The following PPFIA2 variants were observed in gnomAD, a reference collection of about 807,000 sequenced individuals.
PPFIA2 encodes liprin-alpha-2.
A neutral mutation model predicts 175.5 loss-of-function variants in PPFIA2; 46 were observed. That is an observed-to-expected ratio of 0.26 (90% confidence interval 0.21 to 0.34). The LOEUF is 0.34. Ranked by LOEUF, PPFIA2 falls within the 10% of genes least tolerant of loss-of-function variation. The pLI, the probability that PPFIA2 is intolerant of heterozygous loss-of-function variation, is 1.00. For missense variants in PPFIA2, 1,179 were observed against 1,506.1 expected (o/e 0.78, Z 3.60); for synonymous variants, 568 against 511.4 (o/e 1.11, Z -1.49).
At chr12:81,335,070 G>A (rs1010327132) in intron 21 of PPFIA2, among the ~76,000 whole-genome samples, 2 of 152,194 alleles carry the variant, frequency 1.3e-5, no homozygotes, top group African/African-American at 2.4e-5. Flanking sequence ...AATTGATGCT[G>A]TGGTAGGTCG....
At chr12:81,478,285 A>G (rs1001762068) in intron 4 of PPFIA2, among the ~76,000 whole-genome samples, 1 of 151,680 alleles carries the variant, frequency 6.6e-6, no homozygotes, top group Non-Finnish European at 1.5e-5. Context: ...TATTGTGTCT[A>G]TTTGATTCTT....
At chr12:81,261,251 G>A (rs997544869) in intron 32 of PPFIA2, 5 of 152,084 alleles carry the variant, frequency 3.3e-5, no homozygotes, top group African/African-American at 1.2e-4. Context: ...ACGGAGTCAT[G>A]CTCTGTCACC....
rs146782641 is a variant in PPFIA2 at position 81,443,649 on chromosome 12, T to C, written c.570+1907A>G. 3.5e-3 allele frequency among the ~76,000 whole-genome samples: 528 copies of C among 152,196 alleles called. 2 individuals are homozygous for C. The highest frequency in any genetic ancestry group is 0.012 in the African/African-American group (513 of 41,530). ...CATCCCTCAAGTGATATGGGAATGC[T>C]TATGGGACCATCTCAAATCATACAT... On this transcript the variant is annotated intron_variant, in intron 6 of 32. Coordinates refer to ENST00000549396, the MANE Select transcript of PPFIA2 (RefSeq NM_003625.5).
In PPFIA2 at chr12:81,283,029, T is replaced by A. The variant is rs2042429116; in HGVS notation, c.2999A>T (p.Glu1000Val). 6.2e-7 allele frequency: 1 copy of A among 1,612,006 alleles called. No homozygotes were observed. The highest frequency in any genetic ancestry group is 8.5e-7 in the Non-Finnish European group (1 of 1,178,592). ...TCCTACCTGGGCCCAGCTTCCTTCCTCAGATTCTTTCTGTGTTAGCAGCAG... is the reference window on the plus strand; with the variant it reads ...TCCTACCTGGGCCCAGCTTCCTTCCACAGATTCTTTCTGTGTTAGCAGCAG... ...LAAPAKTKESEEGSWAQCPVF... is the reference protein window; with the variant it reads ...LAAPAKTKESVEGSWAQCPVF... The change falls in exon 26 of 33, where the codon GAG becomes GTG. Residue 1000 changes from glutamate (E) to valine (V), a missense_variant. Transcript: ENST00000549396.
At chr12:81,544,491 G>A (rs963502597) in intron 4 of PPFIA2, among the ~76,000 whole-genome samples, 5 of 151,998 alleles carry the variant, frequency 3.3e-5, no homozygotes, top group African/African-American at 9.7e-5. Flanking sequence ...ACATACTTCC[G>A]GCATAGCTTT....
intron 3 of PPFIA2, among the ~76,000 whole-genome samples, chr12:81,722,602 A>G (rs1596826981): frequency 6.6e-6 from 1 of 151,038 alleles, no homozygotes; most frequent in East Asian, 2.0e-4. Context: ...TCAATTCCAT[A>G]TTAAGCTTCA....
chr12:81,636,235 A>G (rs998207106), intron 4 of PPFIA2, among the ~76,000 whole-genome samples: 1 of 150,248 alleles, frequency 6.7e-6, no homozygotes, highest in African/African-American at 2.5e-5. Flanking sequence ...TCAAACGTAA[A>G]TCTGATTGTA....
intron 10 of PPFIA2, 64 bp downstream of exon 10, chr12:81,375,732 C>T (rs2036216406): frequency 1.3e-6 from 2 of 1,484,170 alleles, no homozygotes; most frequent in Non-Finnish European, 1.9e-6. Context: ...ATTTTATTTA[C>T]TCCGTTTTGT....
In PPFIA2 at chr12:81,758,514, A is replaced by T; in HGVS notation, c.-110-7T>A. On this transcript the variant is annotated splice_polypyrimidine_tract_variant and splice_region_variant and intron_variant, in intron 1 of 32. Coordinates refer to ENST00000549396, the MANE Select transcript of PPFIA2 (RefSeq NM_003625.5). ...GCACTCCTGGACCATTTCCCTAGCA[A>T]CGGGAGGAGAAAGGCAGCTCAGACA... 1 of 446,780 alleles carries T rather than the reference A, an allele frequency of 2.2e-6. No homozygotes were observed. Among genetic ancestry groups the T allele is most frequent in the Non-Finnish European group, 4.5e-6 (1 of 220,432 alleles). The allele number at this position is 446,780 out of a possible 1,614,324, so 27.7% of individuals were successfully genotyped here.
chr12:81,299,597 C>T (rs2047324000), intron 22 of PPFIA2, among the ~76,000 whole-genome samples: 1 of 151,892 alleles, frequency 6.6e-6, no homozygotes, highest in Non-Finnish European at 1.5e-5. Flanking sequence ...AGTAATTTTC[C>T]CCAACATTTA....
intron 4 of PPFIA2, among the ~76,000 whole-genome samples, chr12:81,658,436 T>C (rs1596088557): frequency 1.3e-5 from 2 of 152,130 alleles, no homozygotes; most frequent in East Asian, 1.9e-4. Context: ...TAAGCCTTTA[T>C]CTTTACTTCA....
intron 6 of PPFIA2, among the ~76,000 whole-genome samples, chr12:81,444,935 T>C (rs1039793584): frequency 2.0e-5 from 3 of 152,130 alleles, no homozygotes; most frequent in African/African-American, 4.8e-5. Flanking sequence ...GGTTTATATA[T>C]GTCAGTAGAA....
At chr12:81,570,130 T>C (rs1432047946) in intron 4 of PPFIA2, among the ~76,000 whole-genome samples, 1 of 152,176 alleles carries the variant, frequency 6.6e-6, no homozygotes, top group African/African-American at 2.4e-5. Flanking sequence ...TTCTCAAATA[T>C]ATGATGGCTA....
chr12:81,692,895 G>A (rs1046636542), intron 3 of PPFIA2, among the ~76,000 whole-genome samples: 3 of 151,998 alleles, frequency 2.0e-5, no homozygotes, highest in Admixed American at 2.0e-4. Context: ...TATCAATAAA[G>A]ATATAAAATT....
intron 7 of PPFIA2, among the ~76,000 whole-genome samples, chr12:81,421,634 T>C (rs1463012208): frequency 1.3e-5 from 2 of 151,890 alleles, no homozygotes; most frequent in South Asian, 2.1e-4. Context: ...GAAAAATCAA[T>C]GGCAAAATGT....
chr12:81,323,973 C>G (rs2054216652), intron 22 of PPFIA2, among the ~76,000 whole-genome samples: 3 of 151,958 alleles, frequency 2.0e-5, no homozygotes, highest in African/African-American at 7.2e-5. Context: ...TACCATTAAT[C>G]CATGGGAAAT....
intron 4 of PPFIA2, among the ~76,000 whole-genome samples, chr12:81,671,806 C>G (rs543169051): frequency 6.6e-6 from 1 of 151,990 alleles, no homozygotes; most frequent in African/African-American, 2.4e-5. Flanking sequence ...CTGAATATAC[C>G]ATGGTCCCCC....
chr12:81,555,519 T>C (rs989014420), intron 4 of PPFIA2, among the ~76,000 whole-genome samples: 1 of 152,016 alleles, frequency 6.6e-6, no homozygotes, highest in Admixed American at 6.6e-5. Context: ...ATTCTTGAAA[T>C]TGATAATTTA....
intron 4 of PPFIA2, among the ~76,000 whole-genome samples, chr12:81,610,668 T>C (rs1193531764): frequency 6.6e-6 from 1 of 152,222 alleles, no homozygotes; most frequent in Non-Finnish European, 1.5e-5. Flanking sequence ...ATGGGTTTAC[T>C]TTATCCTGAA....
Sources: allele counts gnomAD v4.1 joint callset (sites outside exome capture counted in the v4.1 genomes callset), GRCh38; gene constraint gnomAD v4.1.1; transcripts MANE v1.5; gene names NCBI Gene and HGNC (gene_info 2026-07-23, HGNC 2026-07-21).